TBC1D32: variants seen among roughly 807,000 people sequenced by gnomAD.
TBC1D32 encodes protein broad-minded.
Under a neutral mutation model 170.3 loss-of-function variants are expected in TBC1D32, and 151 were observed. The observed-to-expected ratio is 0.89, with a 90% CI of 0.78 to 1.01. The LOEUF is 1.01. TBC1D32 is among the 50% of genes least tolerant of loss of function. The pLI is 0.00. For missense variants in TBC1D32, 1,464 were observed against 1,457.1 expected, an observed-to-expected ratio of 1.00 and a Z score of -0.08; for synonymous variants, 498 against 488.0, an observed-to-expected ratio of 1.02 and a Z score of -0.27.
intron 22 of TBC1D32, among the ~76,000 whole-genome samples, chr6:121,191,559 A>G (rs1790037826): frequency 6.8e-6 from 1 of 147,208 alleles, no homozygotes; most frequent in Non-Finnish European, 1.5e-5. Context: ...AGCGGAGACT[A>G]TAGGAGGCCT....
chr6:121,299,843 GA>G (rs979386929), intron 9 of TBC1D32, among the ~76,000 whole-genome samples: 8 of 151,872 alleles, frequency 5.3e-5, no homozygotes, highest in African/African-American at 1.9e-4. Context: ...ACATAGTGGG[GA>G]AAAAAAATTA....
At chr6:121,256,008 A>C in intron 16 of TBC1D32, 76 bp downstream of exon 16, 1 of 1,278,744 alleles carries the variant, frequency 7.8e-7, no homozygotes, top group Non-Finnish European at 1.1e-6. Flanking sequence ...TTTCATCCAA[A>C]GTACAACACT....
chr6:121,206,216 GAAA>G (rs74509676), intron 21 of TBC1D32, among the ~76,000 whole-genome samples: 2 of 74,606 alleles, frequency 2.7e-5, no homozygotes, highest in Admixed American at 1.5e-4. Context: ...TCTCAGAAAA[GAAA>G]AAAAAAAAAA....
intron 22 of TBC1D32, among the ~76,000 whole-genome samples, chr6:121,189,534 T>C (rs1026358030): frequency 4.6e-5 from 7 of 151,660 alleles, no homozygotes; most frequent in Admixed American, 3.3e-4. Flanking sequence ...TATTATAAAA[T>C]GTAAATACAC....
At chr6:121,109,397 A>G (rs940373047) in intron 29 of TBC1D32, among the ~76,000 whole-genome samples, 7 of 152,130 alleles carry the variant, frequency 4.6e-5, no homozygotes, top group Admixed American at 2.0e-4. Flanking sequence ...TTGTATGTGC[A>G]TGTAAAATAC....
At chr6:121,317,780 A>ATGCTAAGG (rs144922342) in intron 2 of TBC1D32, 108 bp from the exon 3 acceptor site, 21,071 of 753,934 alleles carry the variant, frequency 0.028, 691 homozygotes, top group African/African-American at 0.12. Context: ...TCCCTTTAAG[A>ATGCTAAGG]ACACAATGCT....
chr6:121,169,728 A>G (rs1786680637), intron 22 of TBC1D32, among the ~76,000 whole-genome samples: 1 of 152,164 alleles, frequency 6.6e-6, no homozygotes. Flanking sequence ...TAGAGTATCA[A>G]GTAATATACT....
intron 5 of TBC1D32, 125 bp from the exon 6 acceptor site, chr6:121,304,958 A>G (rs911512113): frequency 1.5e-6 from 1 of 666,818 alleles, no homozygotes; most frequent in Non-Finnish European, 2.6e-6. Flanking sequence ...CAGAAACTAG[A>G]GTCAGAATGT....
In TBC1D32 at chr6:121,107,022, C is replaced by T. The variant is rs948694030; in HGVS notation, c.3325-859G>A. On this transcript the variant is annotated intron_variant, in intron 29 of 31. Coordinates refer to ENST00000398212, the MANE Select transcript of TBC1D32 (RefSeq NM_152730.6). ...CAATTTTAGGTAAAGAAAAACTGTT[C>T]AACTAGCAATTATATCAACAAAAAA... Among the ~76,000 whole-genome samples the T allele has an allele frequency of 2.4e-4, 36 of 151,794 alleles. 2 individuals carry two copies. The highest frequency in any genetic ancestry group is 8.7e-4 in the African/African-American group (36 of 41,476).
At chr6:121,084,666 T>C (rs1297064316) in intron 31 of TBC1D32, among the ~76,000 whole-genome samples, 2 of 152,160 alleles carry the variant, frequency 1.3e-5, no homozygotes. Flanking sequence ...TCAGTTGATG[T>C]TTGCAAAAAT....
intron 26 of TBC1D32, among the ~76,000 whole-genome samples, chr6:121,121,014 G>A (rs1031610713): frequency 4.6e-5 from 7 of 151,706 alleles, no homozygotes; most frequent in African/African-American, 1.7e-4. Context: ...ACTATAATAC[G>A]TTTCTTTGAA....
Position 121,279,236 on chromosome 6 carries a change from T to C in TBC1D32, c.1618A>G (p.Asn540Asp), listed in dbSNP as rs1312916681. The change falls in exon 15 of 32, where the codon AAT becomes GAT. Residue 540 changes from asparagine to aspartate, a missense_variant. This residue lies in a region of TBC1D32 where 1,363 missense variants were observed against 1,338.1 expected (regional missense o/e 1.02). Coordinates refer to ENST00000398212, the MANE Select transcript of TBC1D32 (RefSeq NM_152730.6). ...TGAATTAAAGCTGTCTCAGAGCAAT[T>C]TGGAGATGCCTGTACATTAAAAAGA... ...NLMKGNEASPNCSETALIHIA... is the reference protein window; with the variant it reads ...NLMKGNEASPDCSETALIHIA... 1.2e-6 allele frequency: 2 copies of C among 1,607,650 alleles called. No individual in the cohort carries two copies. The highest frequency in any genetic ancestry group is 2.2e-5 in the East Asian group (1 of 44,704).
At chr6:121,209,383 G>A (rs1792756302) in intron 21 of TBC1D32, among the ~76,000 whole-genome samples, 1 of 152,096 alleles carries the variant, frequency 6.6e-6, no homozygotes, top group African/African-American at 2.4e-5. Context: ...ATATAATACT[G>A]TATTGCTAAC....
At chr6:121,101,044 T>C (rs533070718) in intron 30 of TBC1D32, among the ~76,000 whole-genome samples, 174 of 152,184 alleles carry the variant, frequency 1.1e-3, no homozygotes, top group African/African-American at 4.1e-3. Flanking sequence ...CAGGAAGAAG[T>C]TGAATTCCTG....
chr6:121,134,046 T>C (rs1582905926), intron 24 of TBC1D32, among the ~76,000 whole-genome samples: 1 of 152,134 alleles, frequency 6.6e-6, no homozygotes, highest in Non-Finnish European at 1.5e-5. Flanking sequence ...AAAGACTTAA[T>C]TCGACATTAT....
At chr6:121,123,458 C>G (rs1780492082) in intron 26 of TBC1D32, among the ~76,000 whole-genome samples, 1 of 152,080 alleles carries the variant, frequency 6.6e-6, no homozygotes, top group African/African-American at 2.4e-5. Flanking sequence ...TATCCTCTCA[C>G]TGAAGTGATC....
intron 5 of TBC1D32, among the ~76,000 whole-genome samples, chr6:121,306,902 C>G (rs1807402253): frequency 6.6e-6 from 1 of 152,150 alleles, no homozygotes; most frequent in Admixed American, 6.5e-5. Flanking sequence ...TAGCTTCTTT[C>G]TTTAAGCAGT....
chr6:121,322,345 A>G (rs571453888), intron 1 of TBC1D32, among the ~76,000 whole-genome samples: 31 of 152,282 alleles, frequency 2.0e-4, no homozygotes, highest in Non-Finnish European at 4.0e-4. Context: ...TAAAGCCCTC[A>G]TAGATTCCAA....
At position 121,312,874 on chromosome 6, in the gene TBC1D32, G is replaced by A. The variant is rs149025677; in HGVS notation, c.496-2027C>T. ...GAAAAGCTTGTAAAAAAGATAGTGC[G>A]TTCCTCCACTTGCTTTCTGAGGACT... On this transcript the variant is annotated intron_variant, in intron 3 of 31. Transcript: ENST00000398212. Among the ~76,000 whole-genome samples the A allele has an allele frequency of 2.1e-3, 319 of 152,176 alleles. 1 individual carries two copies. The highest frequency in any genetic ancestry group is 7.3e-3 in the African/African-American group (303 of 41,518).
Sources: gnomAD v4.1 joint callset for allele counts (sites outside exome capture counted in the v4.1 genomes callset) on GRCh38, gnomAD v4.1.1 for gene constraint, gnomAD v4.1.1 regional missense constraint, MANE v1.5 for transcripts, NCBI Gene and HGNC (gene_info 2026-07-23, HGNC 2026-07-21) for gene names.